The following SMO variants were observed in gnomAD, a reference collection of about 807,000 sequenced individuals.
SMO encodes the protein smoothened, frizzled class receptor.
In SMO, 40 loss-of-function variants were observed where a neutral mutation model predicts 81.6. The observed-to-expected ratio is 0.49, with a 90% CI of 0.38 to 0.64. The LOEUF (loss-of-function observed/expected upper bound fraction) is 0.64, where lower values mean the gene tolerates loss of function less well. SMO is among the 30% of genes least tolerant of loss of function. The pLI is 0.00. For missense variants in SMO, 916 were observed against 1,061.1 expected, an observed-to-expected ratio of 0.86 and a Z score of 1.90; for synonymous variants, 434 against 432.1, an observed-to-expected ratio of 1.00 and a Z score of -0.05.
rs368264949 is a variant in SMO, at chr7:129,199,588, TCAC to T, written c.332-3793_332-3791del. 2.4e-4 allele frequency among the ~76,000 whole-genome samples: 37 copies of T among 152,164 alleles called. 1 individual carries two copies. The East Asian group carries it at 6.8e-3, about 28-fold the overall frequency. ...TGTCTCTACAGAAAAATACAAAAAT[TCAC>T]CAGGTGTGGTGGTGTGAGCCTGTAG... On this transcript the variant is annotated intron_variant, in intron 1 of 11. Coordinates refer to ENST00000249373, the MANE Select transcript of SMO (RefSeq NM_005631.5).
Position 129,208,720 on chromosome 7 carries a change from C to T in SMO, c.1265-39C>T. On this transcript the variant is annotated intron_variant, in intron 6 of 11. Coordinates refer to ENST00000249373, the MANE Select transcript of SMO (RefSeq NM_005631.5). This position sits in a 1 kb window ranked among gnomAD's most constrained non-coding sequence, Gnocchi z 5.2. ...CACCCATCCTTCCCAGCAGGGCAGC[C>T]TCACCCCTGCTAATGTCTGAGGTCC... The T allele has an allele frequency of 7.4e-7, 1 of 1,346,444 alleles. No homozygotes were observed. Among genetic ancestry groups the T allele is most frequent in the Non-Finnish European group, 1.1e-6 (1 of 937,816 alleles). The allele number at this position is 1,346,444 out of a possible 1,614,324, so 83.4% of individuals were successfully genotyped here.
chr7:129,193,159 G>A lies in SMO; in HGVS notation c.331+3677G>A, dbSNP rs1793503453. ...TAGGCCAAACCTGGTTTAGTAAGTGGGGCAAAAAAGCAGAGAGGCCTGCAG... is the reference window on the plus strand; with the variant it reads ...TAGGCCAAACCTGGTTTAGTAAGTGAGGCAAAAAAGCAGAGAGGCCTGCAG... On this transcript the variant is annotated intron_variant, in intron 1 of 11. Coordinates refer to ENST00000249373, the MANE Select transcript of SMO (RefSeq NM_005631.5). 2.0e-5 allele frequency among the ~76,000 whole-genome samples: 3 copies of A among 152,104 alleles called. No individual in the cohort carries two copies. In the South Asian group the frequency reaches 6.2e-4, roughly 31 times the overall value.
chr7:129,199,686 G>A lies in SMO; in HGVS notation c.332-3698G>A, dbSNP rs376120828. Among the ~76,000 whole-genome samples, 113 of 152,118 alleles carry A rather than the reference G, an allele frequency of 7.4e-4. 1 individual carries two copies. Among genetic ancestry groups the A allele is most frequent in the African/African-American group, 2.5e-3 (104 of 41,480 alleles). ...GGGGAGCTGAAGGCTGCAGTGAGCC[G>A]TGATTATGCCACTGTACTCCAGCCT... On this transcript the variant is annotated intron_variant, in intron 1 of 11. Coordinates refer to ENST00000249373, the MANE Select transcript of SMO (RefSeq NM_005631.5).
chr7:129,206,521 C>A lies in SMO; in HGVS notation c.1198C>A (p.Arg400Ser), dbSNP rs766211091. ...CFVGYKNYRY[R>S]AGFVLAPIGL... is the part of the protein sequence containing the mutation. ...TGTGGGCTACAAGAACTACCGATAC[C>A]GTGCGGGCTTCGTGCTGGCCCCAAT... is the stretch of plus-strand genomic sequence containing the variant. The change falls in exon 6 of 12, where the codon CGT (arginine) becomes AGT (serine). Residue 400 changes from arginine to serine, a missense_variant. Arg to Ser is a moderately radical substitution (Grantham distance 110). Around this residue, in one of 4 missense-constraint regions of SMO, gnomAD observed 436 missense variants for 570.9 expected, o/e 0.76. Coordinates refer to ENST00000249373, the MANE Select transcript of SMO (RefSeq NM_005631.5). This position sits in a 1 kb window ranked among gnomAD's most constrained non-coding sequence, Gnocchi z 4.4. The A allele has an allele frequency of 6.2e-7, 1 of 1,614,168 alleles. No individual in the cohort carries two copies. The highest frequency in any genetic ancestry group is 8.5e-7 in the Non-Finnish European group (1 of 1,180,018).
Position 129,206,423 on chromosome 7 carries a change from G to T in SMO, c.1141-41G>T, listed in dbSNP as rs2150650528. 1 of 1,613,970 alleles carries T rather than the reference G, an allele frequency of 6.2e-7. No homozygotes were observed. The highest frequency in any genetic ancestry group is 8.5e-7 in the Non-Finnish European group (1 of 1,179,902). On this transcript the variant is annotated intron_variant, in intron 5 of 11. Coordinates refer to ENST00000249373, the MANE Select transcript of SMO (RefSeq NM_005631.5). This position sits in a 1 kb window ranked among gnomAD's most constrained non-coding sequence, Gnocchi z 4.4. ...TGGATGGGGTGAGTTTGAGGGAGGGGGCCAGTAACCCACCTTCTGTCCCAC... is the reference window on the plus strand; with the variant it reads ...TGGATGGGGTGAGTTTGAGGGAGGGTGCCAGTAACCCACCTTCTGTCCCAC...
intron 6 of SMO, among the ~76,000 whole-genome samples, chr7:129,207,426 A>G (rs904580912): frequency 6.6e-5 from 10 of 152,164 alleles, no homozygotes; most frequent in African/African-American, 2.2e-4. Flanking sequence ...AAGCCTCAGC[A>G]TCTATTTAGC....
intron 1 of SMO, among the ~76,000 whole-genome samples, chr7:129,192,438 G>T (rs1266690639): frequency 2.0e-5 from 3 of 152,216 alleles, no homozygotes; most frequent in Non-Finnish European, 4.4e-5. Flanking sequence ...GCCATTGAAA[G>T]ATTTTAAGCA....
rs1350752913 is a variant in SMO at position 129,212,380 on chromosome 7, G to A, written c.2293G>A (p.Gly765Ser). The A allele has an allele frequency of 6.2e-7, 1 of 1,614,074 alleles. No individual in the cohort carries two copies. Among genetic ancestry groups the A allele is most frequent in the South Asian group, 1.1e-5 (1 of 91,086 alleles). The change falls in exon 12 of 12, where the codon GGC (glycine) becomes AGC (serine). Residue 765 changes from glycine to serine, a missense_variant. By Grantham distance (56) the Gly-to-Ser change is moderately conservative. Coordinates refer to ENST00000249373, the MANE Select transcript of SMO (RefSeq NM_005631.5). The surrounding 1 kb of genome is among the most constrained non-coding windows in gnomAD (Gnocchi z 5.0). Reference sequence around the variant, plus strand: ...GGCATGGGCTCATGGCCGCCGACAGGGCCTGGGGCCTATTCACTCCCGCAC... The same window carrying A: ...GGCATGGGCTCATGGCCGCCGACAGAGCCTGGGGCCTATTCACTCCCGCAC... ...PVAWAHGRRQ[G>S]LGPIHSRTNL...
At chr7:129,204,683 A>AC (rs1793729505) in intron 2 of SMO, among the ~76,000 whole-genome samples, 1 of 151,036 alleles carries the variant, frequency 6.6e-6, no homozygotes, top group Non-Finnish European at 1.5e-5. Context: ...TATTCATTTA[A>AC]CCCTTAAACC....
rs1024216973 is a variant in SMO at position 129,189,095 on chromosome 7, G to A, written c.-57G>A. On this transcript the variant is annotated 5_prime_UTR_variant, in exon 1 of 12. Transcript: ENST00000249373. This position sits in a 1 kb window ranked among gnomAD's most constrained non-coding sequence, Gnocchi z 4.7. ...CGCCGAGGTCGTGCGTGTGGCCGGG[G>A]GGCTCCGAGGAGCAGGCGGGGGCGC... 4.2e-6 allele frequency: 5 copies of A among 1,199,514 alleles called. No individual in the cohort carries two copies. The highest frequency in any genetic ancestry group is 5.2e-6 in the Non-Finnish European group (5 of 964,550). 74.3% of individuals were successfully genotyped at this position (1,199,514 alleles called of 1,614,324 possible).
chr7:129,201,985 G>A (rs117390728), intron 1 of SMO, among the ~76,000 whole-genome samples: 9 of 152,158 alleles, frequency 5.9e-5, no homozygotes, highest in Non-Finnish European at 1.0e-4. Flanking sequence ...CTGGCCAACT[G>A]GTGACTGAAT....
chr7:129,197,939 C>T (rs1793612571), intron 1 of SMO, among the ~76,000 whole-genome samples: 1 of 152,130 alleles, frequency 6.6e-6, no homozygotes, highest in South Asian at 2.1e-4. Context: ...ATTCCTGTTT[C>T]TCTTTTTGTT....
chr7:129,194,694 G>T (rs1288811461), intron 1 of SMO, among the ~76,000 whole-genome samples: 2 of 152,094 alleles, frequency 1.3e-5, no homozygotes, highest in Admixed American at 6.5e-5. Context: ...ATAATATGCT[G>T]TGCATATTAT....
intron 1 of SMO, among the ~76,000 whole-genome samples, chr7:129,198,867 A>G (rs546513763): frequency 1.3e-5 from 2 of 152,340 alleles, no homozygotes; most frequent in Admixed American, 6.5e-5. Flanking sequence ...AGATATCCTC[A>G]TTGTTAAGCA....
At chr7:129,196,064 G>A (rs371996562) in intron 1 of SMO, among the ~76,000 whole-genome samples, 26 of 145,570 alleles carry the variant, frequency 1.8e-4, no homozygotes, top group African/African-American at 6.4e-4. Context: ...TCGTGCCACT[G>A]CACTCCAGCC....
intron 1 of SMO, among the ~76,000 whole-genome samples, chr7:129,192,990 C>G (rs1793501317): frequency 6.6e-6 from 1 of 152,126 alleles, no homozygotes; most frequent in South Asian, 2.1e-4. Context: ...CTGTATAGAC[C>G]TCAGGTCTTT....
In SMO at chr7:129,199,556, G is replaced by A. The variant is rs535326218; in HGVS notation, c.332-3828G>A. On this transcript the variant is annotated intron_variant, in intron 1 of 11. Coordinates refer to ENST00000249373, the MANE Select transcript of SMO (RefSeq NM_005631.5). ...TCAAGACCAGCCTGAGCAACATGGT[G>A]AAACCTTGTCTCTACAGAAAAATAC... Among the ~76,000 whole-genome samples, 61 of 152,186 alleles carry A rather than the reference G, an allele frequency of 4.0e-4. 1 individual carries two copies. In the South Asian group the frequency reaches 9.3e-3, roughly 23 times the overall value.
At chr7:129,207,690 C>A (rs1563150469) in intron 6 of SMO, among the ~76,000 whole-genome samples, 1 of 152,030 alleles carries the variant, frequency 6.6e-6, no homozygotes, top group Non-Finnish European at 1.5e-5. Context: ...GCTCAGAGTT[C>A]GAGACCAGCC....
chr7:129,197,292 C>G (rs914072227), intron 1 of SMO, among the ~76,000 whole-genome samples: 51 of 152,214 alleles, frequency 3.4e-4, no homozygotes, highest in Non-Finnish European at 5.3e-4. Context: ...AAAAAGAAAG[C>G]TTTTTCTACC....
Sources: allele counts gnomAD v4.1 joint callset (sites outside exome capture counted in the v4.1 genomes callset), GRCh38; gene constraint gnomAD v4.1.1; regional missense constraint gnomAD v4.1.1; non-coding constraint Gnocchi (gnomAD v3.1); transcripts MANE v1.5; gene names NCBI Gene and HGNC (gene_info 2026-07-23, HGNC 2026-07-21).